Variants in KCNH8 observed in about 807,000 individuals in gnomAD.
KCNH8 encodes the protein voltage-gated delayed rectifier potassium channel KCNH8.
A neutral mutation model predicts 103.6 loss-of-function variants in KCNH8; 70 were observed. That is an observed-to-expected ratio of 0.68 (90% CI 0.56 to 0.82). The LOEUF is 0.82. KCNH8 is among the 40% of genes least tolerant of loss of function. The pLI is 0.00. For synonymous variants in KCNH8, 498 were observed against 489.4 expected (o/e 1.02, Z -0.23); for missense variants, 1,217 against 1,329.9 (o/e 0.92, Z 1.32).
At chr3:19,438,386 T>G in intron 8 of KCNH8, 25 bp downstream of exon 8, 3 of 1,569,356 alleles carry the variant, frequency 1.9e-6, no homozygotes, top group Non-Finnish European at 2.6e-6. Context: ...TCTTTTATAC[T>G]AAGAAGAGGA....
At chr3:19,263,287 A>C (rs2064460985) in intron 2 of KCNH8, among the ~76,000 whole-genome samples, 1 of 152,118 alleles carries the variant, frequency 6.6e-6, no homozygotes, top group African/African-American at 2.4e-5. Flanking sequence ...TGTAGAGTCA[A>C]GGAAACTCAA....
At chr3:19,403,635 T>G (rs1463596339) in intron 7 of KCNH8, among the ~76,000 whole-genome samples, 3 of 151,440 alleles carry the variant, frequency 2.0e-5, no homozygotes, top group African/African-American at 7.3e-5. Flanking sequence ...ATGTAAAGTG[T>G]GAAATTTCAA....
rs147721424 is a variant in KCNH8, at chr3:19,411,137, C to T, written c.1177+15826C>T. Among the ~76,000 whole-genome samples the T allele has an allele frequency of 4.9e-3, 750 of 152,030 alleles. 4 individuals are homozygous for T. The highest frequency in any genetic ancestry group is 7.8e-3 in the Non-Finnish European group (527 of 67,886). ...TCTCAACAAAATATAGCAAACCAAA[C>T]GCAACAGCACATCAAAAAGTTAATT... On this transcript the variant is annotated intron_variant, in intron 7 of 15. Transcript: ENST00000328405.
At chr3:19,496,352 T>C (rs2068440879) in intron 11 of KCNH8, among the ~76,000 whole-genome samples, 3 of 151,974 alleles carry the variant, frequency 2.0e-5, no homozygotes, top group Non-Finnish European at 2.9e-5. Flanking sequence ...GCTCTTATTA[T>C]TTTAAAGTAT....
intron 7 of KCNH8, among the ~76,000 whole-genome samples, chr3:19,423,536 C>T (rs2066981649): frequency 6.6e-6 from 1 of 152,020 alleles, no homozygotes; most frequent in South Asian, 2.1e-4. Flanking sequence ...TTTCATTTTC[C>T]ATTCCTGAGT....
chr3:19,280,823 C>CT (rs2064746427), intron 2 of KCNH8, among the ~76,000 whole-genome samples: 1 of 151,934 alleles, frequency 6.6e-6, no homozygotes. Flanking sequence ...TCATACCAAA[C>CT]AAAGGTCTTT....
At chr3:19,441,599 A>T (rs2067285369) in intron 8 of KCNH8, among the ~76,000 whole-genome samples, 2 of 152,190 alleles carry the variant, frequency 1.3e-5, no homozygotes, top group South Asian at 4.1e-4. Flanking sequence ...GTAAAGGGAA[A>T]CTTTACTGAA....
intron 4 of KCNH8, chr3:19,346,591 T>A (rs561185688): frequency 4.4e-6 from 2 of 456,124 alleles, no homozygotes; most frequent in Admixed American, 2.4e-5. Context: ...ATTCAATCAC[T>A]GACAGTCACC....
At chr3:19,348,623 C>G (rs181276567) in intron 5 of KCNH8, among the ~76,000 whole-genome samples, 1 of 152,150 alleles carries the variant, frequency 6.6e-6, no homozygotes, top group East Asian at 1.9e-4. Flanking sequence ...CAAAGCCTAG[C>G]TCTGGCTTGC....
chr3:19,524,117 TAAGGTA>T (rs1403386505), intron 15 of KCNH8, among the ~76,000 whole-genome samples: 1 of 151,900 alleles, frequency 6.6e-6, no homozygotes, highest in Admixed American at 6.6e-5. Flanking sequence ...AGTAATATCT[TAAGGTA>T]AAGTTGATTC....
At chr3:19,313,700 GAAA>G (rs948970398) in intron 3 of KCNH8, among the ~76,000 whole-genome samples, 10 of 126,160 alleles carry the variant, frequency 7.9e-5, no homozygotes, top group South Asian at 5.7e-4. Context: ...GATTCATTTG[GAAA>G]AAAAAAAAAA....
rs1284935041 is a variant in KCNH8 at position 19,262,054 on chromosome 3, C to CT, written c.310+8176dup. Among the ~76,000 whole-genome samples, 21 of 150,438 alleles carry CT rather than the reference C, an allele frequency of 1.4e-4. 1 individual carries two copies. Among genetic ancestry groups the CT allele is most frequent in the Admixed American group, 4.0e-4 (6 of 15,038 alleles). On this transcript the variant is annotated intron_variant, in intron 2 of 15. Transcript: ENST00000328405. ...AATCAGGAAGTCAAATGCTTCTAAC[C>CT]TTTTTTTTTCTTTAGTCAGAATCAT...
chr3:19,154,536 T>G (rs2125180818), intron 1 of KCNH8, among the ~76,000 whole-genome samples: 1 of 152,314 alleles, frequency 6.6e-6, no homozygotes, highest in Non-Finnish European at 1.5e-5. Context: ...AGATGCCAAC[T>G]TTAGACTTGG....
At chr3:19,387,736 T>A (rs1237271297) in intron 5 of KCNH8, among the ~76,000 whole-genome samples, 1 of 152,144 alleles carries the variant, frequency 6.6e-6, no homozygotes, top group African/African-American at 2.4e-5. Flanking sequence ...ATTTCAAAAA[T>A]AGATTTGTAT....
chr3:19,467,331 GCA>G (rs1288533988), intron 11 of KCNH8, among the ~76,000 whole-genome samples: 3 of 149,344 alleles, frequency 2.0e-5, no homozygotes, highest in Non-Finnish European at 3.0e-5. Context: ...ACACACATGT[GCA>G]CACACACAAA....
intron 11 of KCNH8, among the ~76,000 whole-genome samples, chr3:19,486,849 A>C (rs2068221701): frequency 6.6e-6 from 1 of 152,212 alleles, no homozygotes; most frequent in Non-Finnish European, 1.5e-5. Flanking sequence ...AGTAGGCTGC[A>C]GATGACCTGC....
At chr3:19,401,867 G>A (rs974096954) in intron 7 of KCNH8, among the ~76,000 whole-genome samples, 26 of 151,818 alleles carry the variant, frequency 1.7e-4, no homozygotes, top group Admixed American at 4.6e-4. Flanking sequence ...CTTTGAAAGG[G>A]AATTTCTGGG....
chr3:19,488,439 CT>C (rs932718306), intron 11 of KCNH8, among the ~76,000 whole-genome samples: 1 of 152,204 alleles, frequency 6.6e-6, no homozygotes, highest in Non-Finnish European at 1.5e-5. Context: ...CCCACAAACC[CT>C]GCCTGTTTTT....
At chr3:19,276,175 ATGTGTGTGTGTG>A (rs59768467) in intron 2 of KCNH8, among the ~76,000 whole-genome samples, 19 of 141,874 alleles carry the variant, frequency 1.3e-4, no homozygotes, top group Admixed American at 3.6e-4. Flanking sequence ...CAATATGTAT[ATGTGTGTGTGTG>A]TGTGTGTGTG....
Sources: allele counts gnomAD v4.1 joint callset (sites outside exome capture counted in the v4.1 genomes callset), GRCh38; gene constraint gnomAD v4.1.1; transcripts MANE v1.5; gene names NCBI Gene and HGNC (gene_info 2026-07-23, HGNC 2026-07-21).